Variants in KCNIP4 observed in about 807,000 individuals in gnomAD.
KCNIP4 encodes the protein potassium voltage-gated channel interacting protein 4.
KCNIP4 carries 12 observed loss-of-function variants against 34.0 expected under a neutral mutation model. That is an observed-to-expected ratio of 0.35 (90% CI 0.23 to 0.57). KCNIP4 has a LOEUF of 0.57. KCNIP4 is among the 20% of genes least tolerant of loss of function. The pLI is 0.83. For missense variants in KCNIP4, 238 were observed against 311.7 expected, an observed-to-expected ratio of 0.76 and a Z score of 1.78; for synonymous variants, 124 against 102.2, an observed-to-expected ratio of 1.21 and a Z score of -1.29.
At chr4:20,742,123 C>T (rs1363696774) in intron 5 of KCNIP4, among the ~76,000 whole-genome samples, 1 of 152,142 alleles carries the variant, frequency 6.6e-6, no homozygotes, top group Non-Finnish European at 1.5e-5. Context: ...GGATTCACAG[C>T]TGAATTCTAC....
intron 1 of KCNIP4, among the ~76,000 whole-genome samples, chr4:21,537,498 C>T (rs1318090106): frequency 6.6e-6 from 1 of 152,068 alleles, no homozygotes; most frequent in African/African-American, 2.4e-5. Flanking sequence ...TAGCCCTTGG[C>T]ACATTGCGGA....
In KCNIP4 at chr4:21,478,617, C is replaced by T. The variant is rs146370099; in HGVS notation, c.61+469954G>A. On this transcript the variant is annotated intron_variant, in intron 1 of 8. Transcript: ENST00000382152. ...TGGCCCTCATAGGAAGTACTTTCCC[C>T]GTAAGACCTTGATTCAGTGATTGAC... is the stretch of plus-strand genomic sequence containing the variant. Among the ~76,000 whole-genome samples the T allele has an allele frequency of 3.0e-3, 463 of 152,248 alleles. 1 individual carries two copies. Among genetic ancestry groups the T allele is most frequent in the African/African-American group, 0.01 (420 of 41,542 alleles).
intron 1 of KCNIP4, among the ~76,000 whole-genome samples, chr4:21,074,171 T>C (rs1411035467): frequency 6.6e-6 from 1 of 152,208 alleles, no homozygotes. Flanking sequence ...TAGGGAGGAT[T>C]CCCTCTTTTT....
chr4:21,455,810 TATATATATATATATA>T (rs1435010538), intron 1 of KCNIP4, among the ~76,000 whole-genome samples: 27,075 of 67,974 alleles, frequency 0.4, 5,149 homozygotes, highest in Middle Eastern at 0.43. Context: ...CAGATATTCA[TATATATATATATATA>T]TATATATATA....
At chr4:20,921,832 T>C (rs1476881053) in intron 1 of KCNIP4, among the ~76,000 whole-genome samples, 1 of 152,244 alleles carries the variant, frequency 6.6e-6, no homozygotes, top group African/African-American at 2.4e-5. Context: ...ATGTGGGTGA[T>C]GTTAACAAGT....
chr4:21,504,448 A>G (rs1473079303), intron 1 of KCNIP4, among the ~76,000 whole-genome samples: 2 of 140,658 alleles, frequency 1.4e-5, no homozygotes, highest in African/African-American at 5.4e-5. Context: ...AGCCTGGGCA[A>G]TAGAATGACT....
In KCNIP4 at chr4:21,624,376, A is replaced by T. The variant is rs138121360; in HGVS notation, c.61+324195T>A. 6.4e-3 allele frequency among the ~76,000 whole-genome samples: 975 copies of T among 152,280 alleles called. 13 individuals carry two copies. Among genetic ancestry groups the T allele is most frequent in the African/African-American group, 0.022 (921 of 41,562 alleles). Reference sequence around the variant, plus strand: ...GAAACTACAGTATTACCAGTCACATATATTTATACACTAAGTGAAAATGTC... The same window carrying T: ...GAAACTACAGTATTACCAGTCACATTTATTTATACACTAAGTGAAAATGTC... On this transcript the variant is annotated intron_variant, in intron 1 of 8. Coordinates refer to ENST00000382152, the MANE Select transcript of KCNIP4 (RefSeq NM_025221.6).
At chr4:21,555,337 T>C (rs145275958) in intron 1 of KCNIP4, among the ~76,000 whole-genome samples, 3 of 152,194 alleles carry the variant, frequency 2.0e-5, no homozygotes, top group African/African-American at 7.2e-5. Flanking sequence ...GTTCTGAAAA[T>C]CAATAAAATC....
intron 1 of KCNIP4, among the ~76,000 whole-genome samples, chr4:21,417,127 C>A (rs573203924): frequency 6.6e-6 from 1 of 152,238 alleles, no homozygotes; most frequent in South Asian, 2.1e-4. Flanking sequence ...AGATCAGGGT[C>A]TTCACTCCCT....
At chr4:21,227,972 C>A (rs190223951) in intron 1 of KCNIP4, among the ~76,000 whole-genome samples, 1 of 152,094 alleles carries the variant, frequency 6.6e-6, no homozygotes, top group Non-Finnish European at 1.5e-5. Context: ...ATTCATTGTA[C>A]AGTGATACTT....
chr4:20,758,731 T>A (rs1047313097), intron 4 of KCNIP4, 90 bp downstream of exon 4: 3 of 938,402 alleles, frequency 3.2e-6, no homozygotes, highest in Non-Finnish European at 3.4e-6. Context: ...CGATTAAAAA[T>A]GTAGCATCAT....
At chr4:21,586,696 C>G (rs1258672300) in intron 1 of KCNIP4, among the ~76,000 whole-genome samples, 1 of 152,042 alleles carries the variant, frequency 6.6e-6, no homozygotes. Context: ...GCATTAGTCA[C>G]TTGTCAAAAT....
chr4:21,116,300 T>C (rs1427959514), intron 1 of KCNIP4, among the ~76,000 whole-genome samples: 3 of 152,266 alleles, frequency 2.0e-5, no homozygotes, highest in African/African-American at 4.8e-5. Context: ...AAATTCCATT[T>C]GGCAAAATTT....
At chr4:21,086,909 C>A (rs1477441546) in intron 1 of KCNIP4, among the ~76,000 whole-genome samples, 1 of 150,792 alleles carries the variant, frequency 6.6e-6, no homozygotes, top group African/African-American at 2.4e-5. Flanking sequence ...TTCTCCCTCT[C>A]TTTCCCTCTT....
intron 1 of KCNIP4, among the ~76,000 whole-genome samples, chr4:21,090,069 G>A (rs1560711459): frequency 1.3e-5 from 2 of 151,984 alleles, no homozygotes; most frequent in African/African-American, 4.8e-5. Flanking sequence ...TTCCCAGAAC[G>A]ATGTTCTGTG....
chr4:21,252,485 T>A (rs530069023), intron 1 of KCNIP4, among the ~76,000 whole-genome samples: 3 of 152,002 alleles, frequency 2.0e-5, no homozygotes, highest in Admixed American at 6.6e-5. Flanking sequence ...ACATACCCAT[T>A]ATCGTGACAA....
chr4:21,282,854 G>A (rs1328146297), intron 1 of KCNIP4, among the ~76,000 whole-genome samples: 1 of 152,074 alleles, frequency 6.6e-6, no homozygotes, highest in Non-Finnish European at 1.5e-5. Context: ...CTTCACTGCT[G>A]CCTCACTTTC....
intron 1 of KCNIP4, among the ~76,000 whole-genome samples, chr4:21,035,030 C>A (rs959424442): frequency 6.6e-6 from 1 of 152,178 alleles, no homozygotes; most frequent in Non-Finnish European, 1.5e-5. Context: ...CAATAAGGAT[C>A]CAAAGCAATT....
intron 1 of KCNIP4, among the ~76,000 whole-genome samples, chr4:21,580,510 A>G (rs1466231975): frequency 6.6e-6 from 1 of 152,150 alleles, no homozygotes; most frequent in East Asian, 1.9e-4. Flanking sequence ...AAATATTTTT[A>G]AAAGTATACT....
Sources: gnomAD v4.1 joint callset for allele counts (sites outside exome capture counted in the v4.1 genomes callset) on GRCh38, gnomAD v4.1.1 for gene constraint, MANE v1.5 for transcripts, NCBI Gene and HGNC (gene_info 2026-07-23, HGNC 2026-07-21) for gene names.